CDK8: variants seen among roughly 807,000 people sequenced by gnomAD.
The protein encoded by CDK8 is cyclin dependent kinase 8.
Under a neutral mutation model 71.5 loss-of-function variants are expected in CDK8, and 29 were observed. That is an observed-to-expected ratio of 0.41 (90% confidence interval 0.30 to 0.55). The LOEUF is 0.55. CDK8 is among the 20% of genes least tolerant of loss of function. CDK8 has a pLI of 0.37. For synonymous variants in CDK8, 161 were observed against 192.1 expected (o/e 0.84, Z 1.34); for missense variants, 288 against 572.6 (o/e 0.50, Z 5.07).
intron 1 of CDK8, among the ~76,000 whole-genome samples, chr13:26,294,211 A>C (rs372465089): frequency 6.6e-6 from 1 of 151,668 alleles, no homozygotes; most frequent in African/African-American, 2.4e-5. Flanking sequence ...AGCTCACTGC[A>C]GCCTCAGACT....
intron 4 of CDK8, among the ~76,000 whole-genome samples, chr13:26,359,998 A>G (rs1874064245): frequency 6.6e-6 from 1 of 152,146 alleles, no homozygotes; most frequent in Non-Finnish European, 1.5e-5. Context: ...TTACAGACAT[A>G]AGCCATTGCA....
chr13:26,270,899 T>C (rs1403569754), intron 1 of CDK8, among the ~76,000 whole-genome samples: 3 of 152,170 alleles, frequency 2.0e-5, no homozygotes, highest in South Asian at 4.1e-4. Flanking sequence ...CTCCAAACTG[T>C]TTTCCACAGC....
At chr13:26,275,302 C>G (rs1037387658) in intron 1 of CDK8, among the ~76,000 whole-genome samples, 1 of 152,240 alleles carries the variant, frequency 6.6e-6, no homozygotes, top group East Asian at 1.9e-4. Flanking sequence ...AACTCAAGGT[C>G]TAAAAAGTAT....
intron 1 of CDK8, among the ~76,000 whole-genome samples, chr13:26,278,467 G>C (rs562275152): frequency 3.9e-5 from 6 of 152,326 alleles, no homozygotes; most frequent in African/African-American, 1.4e-4. Flanking sequence ...TGAGGGAAAG[G>C]GTGGTGTTGA....
At chr13:26,362,955 A>G (rs560423664) in intron 4 of CDK8, among the ~76,000 whole-genome samples, 1 of 151,388 alleles carries the variant, frequency 6.6e-6, no homozygotes. Flanking sequence ...TAAATGGCAT[A>G]TAATGTTGAG....
intron 1 of CDK8, among the ~76,000 whole-genome samples, chr13:26,268,744 C>A (rs1158913240): frequency 6.6e-6 from 1 of 152,130 alleles, no homozygotes; most frequent in Non-Finnish European, 1.5e-5. Flanking sequence ...TTACTTTCAT[C>A]AGATTTCTCT....
chr13:26,284,656 C>A (rs1177183784), intron 1 of CDK8, among the ~76,000 whole-genome samples: 1 of 151,958 alleles, frequency 6.6e-6, no homozygotes, highest in South Asian at 2.1e-4. Flanking sequence ...AATTCCAGGA[C>A]TGGATGGATT....
Position 26,374,043 on chromosome 13 carries a change from A to AAAAAAAAAAT in CDK8, c.457-8770_457-8769insAAAAAAAATA, listed in dbSNP as rs147290719. Among the ~76,000 whole-genome samples, 630 of 111,504 alleles carry AAAAAAAAAAT rather than the reference A, an allele frequency of 5.7e-3. 23 individuals carry two copies. The highest frequency in any genetic ancestry group is 7.5e-3 in the Non-Finnish European group (422 of 56,504). 73.2% of individuals were successfully genotyped at this position (111,504 alleles called of 152,430 possible). The stretch of plus-strand genomic sequence containing the variant: ...AAAAAAAAAAAAAAAAAAAACAAAA[A>AAAAAAAAAAT]ACAAAAAATTAGCTGGGCGTGGTGG... On this transcript the variant is annotated intron_variant, in intron 4 of 12. Transcript: ENST00000381527.
chr13:26,323,392 C>T (rs2769315), intron 1 of CDK8, among the ~76,000 whole-genome samples: 1 of 150,474 alleles, frequency 6.6e-6, no homozygotes, highest in East Asian at 2.0e-4. Context: ...AGCAAGCGCT[C>T]TGGTTTCTCT....
At position 26,404,710 on chromosome 13, in the gene CDK8, T is replaced by C. The variant is rs538819001; in HGVS notation, c.*629T>C. The C allele has an allele frequency of 1.5e-4, 34 of 227,684 alleles. No individual in the cohort carries two copies. Among genetic ancestry groups the C allele is most frequent in the African/African-American group, 7.1e-4 (32 of 45,164 alleles). 14.1% of individuals were successfully genotyped at this position (227,684 alleles called of 1,614,324 possible). A position where few individuals can be genotyped will look rare whatever the true frequency, so the allele number is the denominator to read the frequency against. Reference sequence around the variant, plus strand: ...GGTTTCAAAACTCCCAAAGATTAACTTCCAACTTATAAGTTTGTTTTTATT... The same window carrying C: ...GGTTTCAAAACTCCCAAAGATTAACCTCCAACTTATAAGTTTGTTTTTATT... On this transcript the variant is annotated 3_prime_UTR_variant, in exon 13 of 13. Coordinates refer to ENST00000381527, the MANE Select transcript of CDK8 (RefSeq NM_001260.3).
At chr13:26,364,487 T>C (rs966736355) in intron 4 of CDK8, among the ~76,000 whole-genome samples, 2 of 152,174 alleles carry the variant, frequency 1.3e-5, no homozygotes, top group Non-Finnish European at 2.9e-5. Context: ...CTTTTTGACA[T>C]TGGTAATAAA....
intron 4 of CDK8, among the ~76,000 whole-genome samples, chr13:26,378,168 G>A (rs1189972775): frequency 1.3e-5 from 2 of 152,156 alleles, no homozygotes; most frequent in African/African-American, 2.4e-5. Flanking sequence ...TTCCTATGTC[G>A]GATAGCTCTG....
At chr13:26,276,554 T>A (rs9581614) in intron 1 of CDK8, among the ~76,000 whole-genome samples, 1 of 152,278 alleles carries the variant, frequency 6.6e-6, no homozygotes, top group African/African-American at 2.4e-5. Context: ...TTACATGTAC[T>A]TTAATATATT....
chr13:26,316,237 G>A (rs1874507264), intron 1 of CDK8, among the ~76,000 whole-genome samples: 1 of 152,164 alleles, frequency 6.6e-6, no homozygotes, highest in East Asian at 1.9e-4. Context: ...GCACATACCT[G>A]TAGTCCCAGC....
intron 1 of CDK8, among the ~76,000 whole-genome samples, chr13:26,262,873 C>T (rs951528573): frequency 6.6e-6 from 1 of 152,146 alleles, no homozygotes; most frequent in Non-Finnish European, 1.5e-5. Context: ...TTCAAGGTAA[C>T]TCAGTTACTC....
intron 1 of CDK8, among the ~76,000 whole-genome samples, chr13:26,276,595 T>G (rs1297456187): frequency 6.6e-6 from 1 of 152,246 alleles, no homozygotes; most frequent in Non-Finnish European, 1.5e-5. Flanking sequence ...TTCATTCATT[T>G]ATGATTACCT....
chr13:26,388,278 TA>T, intron 6 of CDK8, among the ~76,000 whole-genome samples: 3 of 152,320 alleles, frequency 2.0e-5, no homozygotes, highest in Middle Eastern at 3.4e-3. Flanking sequence ...TCTATAAATA[TA>T]AAATTATTAA....
rs770570887 is a variant in CDK8 at position 26,382,890 on chromosome 13, AAGTCAC to A, written c.514+23_514+28del. ...AAAATTGGTATGTTATATCTTTGCTAAGTCACAGTGTAGCACTTTTTTAAAACTTTT... is the reference window on the plus strand; with the variant it reads ...AAAATTGGTATGTTATATCTTTGCTAAGTGTAGCACTTTTTTAAAACTTTT... On this transcript the variant is annotated intron_variant, in intron 5 of 12. Transcript: ENST00000381527. 5.1e-6 allele frequency: 8 copies of A among 1,558,514 alleles called. No individual in the cohort carries two copies. In the Admixed American group the frequency reaches 1.3e-4, roughly 26 times the overall value.
chr13:26,302,428 A>G (rs1422470322), intron 1 of CDK8, among the ~76,000 whole-genome samples: 1 of 152,216 alleles, frequency 6.6e-6, no homozygotes, highest in African/African-American at 2.4e-5. Context: ...ATATGTTTCT[A>G]AAAGTGTTCG....
Sources: gnomAD v4.1 joint callset for allele counts (sites outside exome capture counted in the v4.1 genomes callset) on GRCh38, gnomAD v4.1.1 for gene constraint, MANE v1.5 for transcripts, NCBI Gene and HGNC (gene_info 2026-07-23, HGNC 2026-07-21) for gene names.